DMD: variants seen among roughly 807,000 people sequenced by gnomAD.
The protein encoded by DMD is mutant dystrophin.
A neutral mutation model predicts 330.1 loss-of-function variants in DMD; 63 were observed. The ratio of observed to expected loss-of-function variants is 0.19; its 90% CI spans 0.16 to 0.24. The LOEUF (loss-of-function observed/expected upper bound fraction) is 0.24, where lower values mean the gene tolerates loss of function less well. Ranked by LOEUF, DMD falls within the 10% of genes least tolerant of loss-of-function variation. The pLI is 1.00. For missense variants in DMD, 3,344 were observed against 2,684.1 expected, an observed-to-expected ratio of 1.25 and a Z score of -5.43; for synonymous variants, 1,223 against 959.8, an observed-to-expected ratio of 1.27 and a Z score of -5.07.
At chrX:31,793,081 C>T (rs1249798487) in intron 50 of DMD, among the ~76,000 whole-genome samples, 1 of 110,816 alleles carries the variant, frequency 9.0e-6, no homozygotes, top group African/African-American at 3.3e-5. Context: ...GAAGTCCAGC[C>T]GGATTCTTCT....
intron 11 of DMD, among the ~76,000 whole-genome samples, chrX:32,628,443 T>C (rs1729356076): frequency 9.3e-6 from 1 of 107,061 alleles, no homozygotes; most frequent in Non-Finnish European, 1.9e-5. Context: ...CTTGTCATTT[T>C]TGTCAACCCT....
At chrX:33,041,343 TCCACGGTTA>T in intron 1 of DMD, 1 of 1,159,367 alleles carries the variant, frequency 8.6e-7, no homozygotes, top group Non-Finnish European at 1.2e-6. Flanking sequence ...CGCGTCGCCC[TCCACGGTTA>T]CCCCGGCTTT....
intron 49 of DMD, among the ~76,000 whole-genome samples, chrX:31,825,718 T>C (rs1252181606): frequency 9.0e-6 from 1 of 111,674 alleles, no homozygotes; most frequent in African/African-American, 3.2e-5. Context: ...GAGCAAAAAT[T>C]GATGTGATAA....
chrX:31,134,897 T>TA (rs1192164253), intron 76 of DMD, among the ~76,000 whole-genome samples: 1 of 111,311 alleles, frequency 9.0e-6, no homozygotes. Context: ...TATACTACAG[T>TA]AAAAAACAGG....
chrX:32,693,410 G>T (rs889438465), intron 9 of DMD, among the ~76,000 whole-genome samples: 2 of 111,942 alleles, frequency 1.8e-5, no homozygotes, highest in Non-Finnish European at 3.8e-5. Flanking sequence ...TAATTTAAAA[G>T]AAGTATGTTT....
At chrX:31,755,455 T>C (rs1228004137) in intron 51 of DMD, among the ~76,000 whole-genome samples, 1 of 111,885 alleles carries the variant, frequency 8.9e-6, no homozygotes, top group Non-Finnish European at 1.9e-5. Context: ...CATGTCTCCC[T>C]TGATTGAACC....
chrX:33,127,966 CACA>C, intron 1 of DMD: 1 of 1,005,931 alleles, frequency 9.9e-7, no homozygotes. Context: ...TTCCCTTCCT[CACA>C]ACAAAAGCCC....
At chrX:32,014,563 T>C (rs1322982349) in intron 44 of DMD, among the ~76,000 whole-genome samples, 1 of 111,766 alleles carries the variant, frequency 8.9e-6, no homozygotes, top group African/African-American at 3.3e-5. Flanking sequence ...TGCTAACTTC[T>C]CTATAGTACA....
At position 32,123,238 on chromosome X, in the gene DMD, TATATAA is replaced by T. The variant is rs1388698027; in HGVS notation, c.6438+93672_6438+93677del. Among the ~76,000 whole-genome samples the T allele has an allele frequency of 3.3e-4, 28 of 84,924 alleles. 1 individual carries two copies. The highest frequency in any genetic ancestry group is 2.9e-3 in the Admixed American group (22 of 7,682). The allele number at this position is 84,924 out of a possible 115,157, so 73.7% of individuals were successfully genotyped here. Reference sequence around the variant, plus strand: ...ATATATATATATATATATATATATATATATAAATGATCAAAATTGATGCTAATGAAA... The same window carrying T: ...ATATATATATATATATATATATATATATGATCAAAATTGATGCTAATGAAA... On this transcript the variant is annotated intron_variant, in intron 44 of 78. Transcript: ENST00000357033.
At chrX:32,440,128 G>C (rs1057397654) in intron 28 of DMD, among the ~76,000 whole-genome samples, 1 of 111,442 alleles carries the variant, frequency 9.0e-6, no homozygotes, top group Admixed American at 9.6e-5. Context: ...CCTATCTTCT[G>C]TTCTGGCCAC....
chrX:32,722,685 T>G (rs1358917460), intron 7 of DMD, among the ~76,000 whole-genome samples: 1 of 111,349 alleles, frequency 9.0e-6, no homozygotes, highest in East Asian at 2.8e-4. Flanking sequence ...TTAAATTGGG[T>G]CTTAAATATT....
intron 7 of DMD, among the ~76,000 whole-genome samples, chrX:32,741,807 C>T (rs1449789292): frequency 9.0e-6 from 1 of 111,660 alleles, no homozygotes; most frequent in African/African-American, 3.3e-5. Flanking sequence ...GATTGTATGG[C>T]ATATAAATTA....
At chrX:32,357,660 TACACACAC>T (rs3044986) in intron 37 of DMD, among the ~76,000 whole-genome samples, 9,672 of 94,703 alleles carry the variant, frequency 0.1, 422 homozygotes, top group Non-Finnish European at 0.14. Flanking sequence ...CATACACAGA[TACACACAC>T]ACACACACAC....
At chrX:31,866,075 T>C (rs1011977942) in intron 48 of DMD, among the ~76,000 whole-genome samples, 7 of 111,520 alleles carry the variant, frequency 6.3e-5, no homozygotes, top group African/African-American at 2.3e-4. Flanking sequence ...AAGCACTCCC[T>C]AAGCTGGCTC....
intron 2 of DMD, among the ~76,000 whole-genome samples, chrX:32,881,509 A>T (rs953157690): frequency 3.6e-5 from 4 of 112,271 alleles, no homozygotes; most frequent in Admixed American, 1.9e-4. Flanking sequence ...GTTAAATATG[A>T]TACAATGGCA....
At chrX:31,446,484 A>G (rs988781069) in intron 59 of DMD, among the ~76,000 whole-genome samples, 1 of 111,744 alleles carries the variant, frequency 8.9e-6, no homozygotes, top group Admixed American at 9.5e-5. Flanking sequence ...GCAAAAAAAA[A>G]ATCATATGTG....
rs181927190 is a variant in DMD at position 32,545,378 on chromosome X, C to A, written c.1993-44G>T. On this transcript the variant is annotated intron_variant, in intron 16 of 78. Transcript: ENST00000357033. The stretch of plus-strand genomic sequence containing the variant: ...CAGAGGTCAGACATTGCTAGAAAGA[C>A]TTCAGTAAAGACTGCTTGGAGTGGC... 6.1e-5 allele frequency: 71 copies of A among 1,159,278 alleles called. No homozygotes were observed. The East Asian group carries it at 2.1e-3, about 34-fold the overall frequency.
At chrX:32,669,841 G>A (rs2061525771) in intron 9 of DMD, among the ~76,000 whole-genome samples, 1 of 110,990 alleles carries the variant, frequency 9.0e-6, no homozygotes, top group Admixed American at 9.7e-5. Context: ...TGAATAAAAT[G>A]TATCTCCTTG....
At chrX:32,020,655 C>T (rs781251305) in intron 44 of DMD, among the ~76,000 whole-genome samples, 4 of 112,184 alleles carry the variant, frequency 3.6e-5, no homozygotes, top group South Asian at 3.7e-4. Flanking sequence ...CCAACCCTGT[C>T]ATCACCTTAA....
Sources: gnomAD v4.1 joint callset for allele counts (sites outside exome capture counted in the v4.1 genomes callset) on GRCh38, gnomAD v4.1.1 for gene constraint, MANE v1.5 for transcripts, NCBI Gene and HGNC (gene_info 2026-07-23, HGNC 2026-07-21) for gene names.